Variants in RBBP5 observed in about 807,000 individuals in gnomAD.
RBBP5 encodes retinoblastoma-binding protein 5.
A neutral mutation model predicts 72.2 loss-of-function variants in RBBP5; 5 were observed. The observed-to-expected ratio is 0.07, with a 90% confidence interval of 0.04 to 0.15. The LOEUF (loss-of-function observed/expected upper bound fraction) is 0.15. Among genes scored for constraint, RBBP5 ranks in the 10% least tolerant of loss-of-function variants. RBBP5 has a pLI of 1.00. For synonymous variants in RBBP5, 209 were observed against 237.2 expected (o/e 0.88, Z 1.09); for missense variants, 322 against 652.2 (o/e 0.49, Z 5.51).
intron 1 of RBBP5, among the ~76,000 whole-genome samples, chr1:205,117,772 G>C (rs974843346): frequency 2.6e-5 from 4 of 151,994 alleles, no homozygotes. Flanking sequence ...ATTTGGGATG[G>C]GGAGGCTTTT....
At chr1:205,089,452 G>A (rs1041950568) in intron 13 of RBBP5, among the ~76,000 whole-genome samples, 1 of 152,170 alleles carries the variant, frequency 6.6e-6, no homozygotes, top group African/African-American at 2.4e-5. Context: ...ATCGTTAAAT[G>A]AGCTGCTGTG....
chr1:205,110,975 A>C (rs1238569206), intron 3 of RBBP5, among the ~76,000 whole-genome samples: 2 of 152,132 alleles, frequency 1.3e-5, no homozygotes, highest in African/African-American at 4.8e-5. Context: ...GAGGCAGGAG[A>C]ATCACTTGAA....
intron 1 of RBBP5, among the ~76,000 whole-genome samples, chr1:205,119,991 C>T (rs1656674375): frequency 2.0e-5 from 3 of 152,164 alleles, no homozygotes; most frequent in Admixed American, 6.5e-5. Context: ...ACCCCTAGAC[C>T]ACATTCAGCT....
At chr1:205,098,720 C>T (rs1419726798) in intron 10 of RBBP5, among the ~76,000 whole-genome samples, 2 of 151,876 alleles carry the variant, frequency 1.3e-5, no homozygotes, top group Non-Finnish European at 2.9e-5. Context: ...TGGCAGGCAC[C>T]TGTAATCCCA....
At chr1:205,108,852 G>A (rs1656187102) in intron 3 of RBBP5, among the ~76,000 whole-genome samples, 2 of 152,126 alleles carry the variant, frequency 1.3e-5, no homozygotes, top group Admixed American at 6.6e-5. Flanking sequence ...AAACGGTATC[G>A]ACCTGCAGAA....
chr1:205,119,564 G>A (rs1656658865), intron 1 of RBBP5, among the ~76,000 whole-genome samples: 1 of 152,016 alleles, frequency 6.6e-6, no homozygotes, highest in Non-Finnish European at 1.5e-5. Flanking sequence ...TTTTGCCCTT[G>A]TCTCCCACAC....
In RBBP5 at chr1:205,087,459, G is replaced by C. The variant is rs1655177962; in HGVS notation, c.*1328C>G. On this transcript the variant is annotated 3_prime_UTR_variant, in exon 14 of 14. Transcript: ENST00000264515. ...GATCAACCCGCCTTGGCCTCCCAAA[G>C]TGCTGGGATTACAGGCGTGACCCAC... 1 of 150,128 alleles carries C rather than the reference G, an allele frequency of 6.7e-6. No individual in the cohort carries two copies. The highest frequency in any genetic ancestry group is 2.5e-5 in the African/African-American group (1 of 40,576). The allele number at this position is 150,128 out of a possible 1,614,324, so 9.3% of individuals were successfully genotyped here. A position where few individuals can be genotyped will look rare whatever the true frequency, so the allele number is the denominator to read the frequency against.
rs1192398007 is a variant in RBBP5 at position 205,114,918 on chromosome 1, C to G, written c.89G>C (p.Cys30Ser). 1.3e-6 allele frequency: 2 copies of G among 1,594,232 alleles called. No individual in the cohort carries two copies. The highest frequency in any genetic ancestry group is 1.7e-6 in the Non-Finnish European group (2 of 1,167,884). Residue 30 changes from cysteine (C) to serine (S), a missense_variant, in exon 3 of 14, where the codon TGC becomes TCC. Cys to Ser is a moderately radical substitution (Grantham distance 112). Around this residue, in one of 6 missense-constraint regions of RBBP5, gnomAD observed 20 missense variants for 43.6 expected, o/e 0.46. Transcript: ENST00000264515. ...CAGTGTGCCCCACCTGTTAAAGGTGCAAGTCAAAGCCATGCTGATACAATC... is the reference window on the plus strand; with the variant it reads ...CAGTGTGCCCCACCTGTTAAAGGTGGAAGTCAAAGCCATGCTGATACAATC... Reference protein sequence around the residue: ...TLDCISMALTCTFNRWGTLLA... With the variant: ...TLDCISMALTSTFNRWGTLLA...
At position 205,086,990 on chromosome 1, in the gene RBBP5, A is replaced by T. The variant is rs1323138392; in HGVS notation, c.*1797T>A. On this transcript the variant is annotated 3_prime_UTR_variant, in exon 14 of 14. Transcript: ENST00000264515. ...CATGACAGTCTCAAAATGAATATTT[A>T]AGAAAAAAGTAGTGGCATCTAAAAA... is the stretch of plus-strand genomic sequence containing the variant. 1.3e-5 allele frequency: 2 copies of T among 152,260 alleles called. No individual in the cohort carries two copies. The highest frequency in any genetic ancestry group is 4.8e-5 in the African/African-American group (2 of 41,472). 9.4% of individuals were successfully genotyped at this position (152,260 alleles called of 1,614,324 possible).
intron 13 of RBBP5, among the ~76,000 whole-genome samples, chr1:205,093,926 C>T (rs569664478): frequency 1.3e-5 from 2 of 152,176 alleles, no homozygotes; most frequent in South Asian, 2.1e-4. Flanking sequence ...GTTATCAATC[C>T]TACCTTTGAG....
rs546610234 is a variant in RBBP5 at position 205,097,936 on chromosome 1, A to G, written c.1097-541T>C. On this transcript the variant is annotated intron_variant, in intron 10 of 13. Transcript: ENST00000264515. ...GGGTCAATAATCTGTGGCATTAATT[A>G]CTCACTGACAGTGCCAACTGGGCAT... is the stretch of plus-strand genomic sequence containing the variant. Among the ~76,000 whole-genome samples the G allele has an allele frequency of 1.3e-3, 199 of 152,216 alleles. 1 individual carries two copies. Among genetic ancestry groups the G allele is most frequent in the South Asian group, 4.1e-3 (20 of 4,822 alleles).
chr1:205,112,224 A>C (rs1246512252), intron 3 of RBBP5, among the ~76,000 whole-genome samples: 1 of 152,142 alleles, frequency 6.6e-6, no homozygotes, highest in Non-Finnish European at 1.5e-5. Context: ...AGGTTGAGGC[A>C]GGAGAATTGC....
At chr1:205,089,952 A>G (rs976587357) in intron 13 of RBBP5, among the ~76,000 whole-genome samples, 2 of 152,098 alleles carry the variant, frequency 1.3e-5, no homozygotes, top group African/African-American at 4.8e-5. Flanking sequence ...CCTGGGTTCA[A>G]ACGATTCTCC....
At chr1:205,098,299 T>TA (rs1354294366) in intron 10 of RBBP5, among the ~76,000 whole-genome samples, 1 of 152,182 alleles carries the variant, frequency 6.6e-6, no homozygotes, top group Non-Finnish European at 1.5e-5. Context: ...ACCCTTCTCT[T>TA]ACTGACAAAG....
Position 205,114,761 on chromosome 1 carries a change from T to G in RBBP5, c.218+28A>C, listed in dbSNP as rs1035658438. The G allele has an allele frequency of 5.4e-6, 8 of 1,481,740 alleles. No homozygotes were observed. In the African/African-American group the frequency reaches 7.1e-5, roughly 13 times the overall value. 91.8% of individuals were successfully genotyped at this position (1,481,740 alleles called of 1,614,324 possible). A position where few individuals can be genotyped will look rare whatever the true frequency, so the allele number is the denominator to read the frequency against. On this transcript the variant is annotated intron_variant, in intron 3 of 13. Transcript: ENST00000264515. ...ATAGTCATCATTCATTCTCCTCATA[T>G]TTAAATATTAATTAAAAAATGTCTT... is the stretch of plus-strand genomic sequence containing the variant.
At chr1:205,104,900 A>G in intron 4 of RBBP5, 128 bp downstream of exon 4, 1 of 1,079,862 alleles carries the variant, frequency 9.3e-7, no homozygotes, top group South Asian at 1.7e-5. Flanking sequence ...TGGAAAGATT[A>G]TTTTATGTAG....
In RBBP5 at chr1:205,114,744, C is replaced by T. The variant is rs146642619; in HGVS notation, c.218+45G>A. Reference sequence around the variant, plus strand: ...ATGAGATTTGCAAATATATAGTCATCATTCATTCTCCTCATATTTAAATAT... The same window carrying T: ...ATGAGATTTGCAAATATATAGTCATTATTCATTCTCCTCATATTTAAATAT... On this transcript the variant is annotated intron_variant, in intron 3 of 13. Coordinates refer to ENST00000264515, the MANE Select transcript of RBBP5 (RefSeq NM_005057.4). 1.6e-4 allele frequency: 232 copies of T among 1,419,968 alleles called. 3 individuals are homozygous for T. The East Asian group carries it at 6.0e-3, about 37-fold the overall frequency. 88.0% of individuals were successfully genotyped at this position (1,419,968 alleles called of 1,614,324 possible).
chr1:205,089,793 T>A (rs2151212463), intron 13 of RBBP5, among the ~76,000 whole-genome samples: 1 of 152,336 alleles, frequency 6.6e-6, no homozygotes, highest in East Asian at 1.9e-4. Flanking sequence ...CAATGGTTTT[T>A]CAGATCTCTC....
rs750511058 is a variant in RBBP5 at position 205,105,171 on chromosome 1, G to A, written c.219-3C>T. 7 of 1,602,328 alleles carry A rather than the reference G, an allele frequency of 4.4e-6. No homozygotes were observed. The highest frequency in any genetic ancestry group is 6.0e-6 in the Non-Finnish European group (7 of 1,175,514). ...GTTTATGACCATCTCGGCTCCAGCT[G>A]AGGAAAAAAAAGGGGTAATTTAGCA... is the stretch of plus-strand genomic sequence containing the variant. On this transcript the variant is annotated splice_polypyrimidine_tract_variant and splice_region_variant and intron_variant, in intron 3 of 13. Transcript: ENST00000264515.
Sources: gnomAD v4.1 joint callset for allele counts (sites outside exome capture counted in the v4.1 genomes callset) on GRCh38, gnomAD v4.1.1 for gene constraint, gnomAD v4.1.1 regional missense constraint, MANE v1.5 for transcripts, NCBI Gene and HGNC (gene_info 2026-07-23, HGNC 2026-07-21) for gene names.